Variants in SGCD observed in about 807,000 individuals in gnomAD.
SGCD encodes the protein delta-sarcoglycan.
Under a neutral mutation model 36.6 loss-of-function variants are expected in SGCD, and 18 were observed. The observed-to-expected ratio is 0.49, with a 90% CI of 0.34 to 0.73. The LOEUF is 0.73. Ranked by LOEUF, SGCD falls within the 30% of genes least tolerant of loss-of-function variation. SGCD has a pLI of 0.01. For synonymous variants in SGCD, 133 were observed against 130.6 expected (o/e 1.02, Z -0.12); for missense variants, 387 against 346.7 (o/e 1.12, Z -0.92).
intron 1 of SGCD, among the ~76,000 whole-genome samples, chr5:156,096,438 A>G (rs1442269057): frequency 6.6e-6 from 1 of 152,226 alleles, no homozygotes; most frequent in Non-Finnish European, 1.5e-5. Flanking sequence ...CAAGGACTTA[A>G]GAATGGGAGC....
intron 2 of SGCD, among the ~76,000 whole-genome samples, chr5:156,343,673 A>G (rs1469578359): frequency 6.6e-6 from 1 of 152,194 alleles, no homozygotes; most frequent in Admixed American, 6.5e-5. Flanking sequence ...TCTAAAGGGC[A>G]TCAACGTATT....
intron 7 of SGCD, among the ~76,000 whole-genome samples, chr5:156,672,907 A>G (rs149411869): frequency 9.2e-5 from 14 of 152,138 alleles, no homozygotes; most frequent in African/African-American, 3.4e-4. Context: ...ATTTTTCTAG[A>G]TAATTCTATT....
intron 4 of SGCD, among the ~76,000 whole-genome samples, chr5:156,558,124 T>TATATATATATATATATATATA (rs56288003): frequency 6.5e-5 from 8 of 123,598 alleles, no homozygotes; most frequent in Non-Finnish European, 1.0e-4. Flanking sequence ...TATATATATA[T>TATATATATATATATATATATA]TATTTAACTC....
In SGCD at chr5:156,179,796, G is replaced by A. The variant is rs574584258; in HGVS notation, c.-44+55777G>A. On this transcript the variant is annotated intron_variant, in intron 3 of 9. Transcript: ENST00000517913. ...CTGCCACCATGCCCAGCTAATTTTT[G>A]TATTTTTAGTAAAGATGGGGTTTCA... 3.0e-4 allele frequency among the ~76,000 whole-genome samples: 45 copies of A among 151,882 alleles called. 1 individual carries two copies. Among genetic ancestry groups the A allele is most frequent in the African/African-American group, 9.4e-4 (39 of 41,466 alleles).
At chr5:156,254,167 T>G (rs956347550) in intron 3 of SGCD, among the ~76,000 whole-genome samples, 3 of 152,218 alleles carry the variant, frequency 2.0e-5, no homozygotes, top group Admixed American at 2.0e-4. Context: ...CATGCCTCAT[T>G]CCTGATTTTA....
rs750150347 is a variant in SGCD, at chr5:156,344,681, A to G, written c.192+4A>G. 1.3e-6 allele frequency: 2 copies of G among 1,595,514 alleles called. No homozygotes were observed. The highest frequency in any genetic ancestry group is 1.4e-5 in the African/African-American group (1 of 74,070). On this transcript the variant is annotated splice_donor_region_variant and intron_variant, in intron 3 of 8. Coordinates refer to ENST00000337851, the MANE Select transcript of SGCD (RefSeq NM_000337.6). ...CAAAGTCATGAACTTCACAATTGTA[A>G]GTAAAACCATCTAGGTTTGTTTAGC...
At chr5:156,482,824 T>G (rs1409672815) in intron 3 of SGCD, among the ~76,000 whole-genome samples, 1 of 144,668 alleles carries the variant, frequency 6.9e-6, no homozygotes, top group African/African-American at 2.5e-5. Flanking sequence ...TTTTTTTTTT[T>G]TTTTTTTTTT....
In SGCD at chr5:156,051,966, G is replaced by C. The variant is rs368716414; in HGVS notation, c.-281-65912G>C. ...TGTGTCAGGCCTTTTCCTTAGTTCA[G>C]CTAAAGACAGGGTTCTTGTCCATCC... On this transcript the variant is annotated intron_variant, in intron 1 of 9. Coordinates refer to the SGCD transcript ENST00000517913. Among the ~76,000 whole-genome samples, 18 of 146,168 alleles carry C rather than the reference G, an allele frequency of 1.2e-4. 1 individual carries two copies. The South Asian group carries it at 3.7e-3, about 30-fold the overall frequency.
intron 4 of SGCD, among the ~76,000 whole-genome samples, chr5:156,516,899 G>A (rs1350789576): frequency 6.6e-6 from 1 of 152,188 alleles, no homozygotes; most frequent in Admixed American, 6.5e-5. Context: ...CAGGGAGGCT[G>A]AGGCAGGACA....
At chr5:156,555,094 C>T (rs564163990) in intron 4 of SGCD, among the ~76,000 whole-genome samples, 25 of 151,854 alleles carry the variant, frequency 1.6e-4, no homozygotes, top group African/African-American at 6.0e-4. Context: ...TTTTATTGTT[C>T]AGTTGTGATA....
intron 1 of SGCD, among the ~76,000 whole-genome samples, chr5:156,086,888 A>T (rs1761109315): frequency 6.6e-6 from 1 of 152,200 alleles, no homozygotes; most frequent in Non-Finnish European, 1.5e-5. Flanking sequence ...CTTCCTATGG[A>T]TAGTGGATAT....
intron 2 of SGCD, among the ~76,000 whole-genome samples, chr5:156,333,336 A>G (rs1768159536): frequency 6.6e-6 from 1 of 152,216 alleles, no homozygotes; most frequent in Non-Finnish European, 1.5e-5. Flanking sequence ...CTGGGACAAA[A>G]TGCCTATACT....
chr5:155,928,807 C>A (rs1757044983), intron 1 of SGCD, among the ~76,000 whole-genome samples: 1 of 151,472 alleles, frequency 6.6e-6, no homozygotes, highest in Non-Finnish European at 1.5e-5. Flanking sequence ...TTTCCAGTAA[C>A]ATTAAGGACA....
At chr5:155,747,008 C>G in the SGCD span, among the ~76,000 whole-genome samples, 1 of 152,090 alleles carries the variant, frequency 6.6e-6, no homozygotes, top group Non-Finnish European at 1.5e-5. Context: ...TGGGTGGTCT[C>G]TGGGGTGTGA....
At chr5:156,021,240 T>TA (rs1308098445) in intron 1 of SGCD, among the ~76,000 whole-genome samples, 1 of 152,258 alleles carries the variant, frequency 6.6e-6, no homozygotes, top group Admixed American at 6.5e-5. Context: ...CATAATTTTT[T>TA]AAAAAAGTTT....
intron 3 of SGCD, among the ~76,000 whole-genome samples, chr5:156,435,053 A>G (rs1037416623): frequency 6.6e-6 from 1 of 152,230 alleles, no homozygotes; most frequent in Non-Finnish European, 1.5e-5. Context: ...TCATCTGCAG[A>G]GCAATGTAGA....
chr5:155,845,603 C>T, the SGCD span: 2 of 152,194 alleles, frequency 1.3e-5, no homozygotes, highest in Non-Finnish European at 2.9e-5. Context: ...AACTCTCTTT[C>T]TCCAAAAATG....
At chr5:155,802,846 A>G in the SGCD span, among the ~76,000 whole-genome samples, 21 of 152,302 alleles carry the variant, frequency 1.4e-4, no homozygotes, top group South Asian at 3.7e-3. Context: ...TTTGAAGTTC[A>G]GCTTCCATTT....
At chr5:156,355,723 G>A (rs538425176) in intron 3 of SGCD, among the ~76,000 whole-genome samples, 13 of 152,290 alleles carry the variant, frequency 8.5e-5, no homozygotes, top group Admixed American at 4.6e-4. Context: ...TCCAAAGTCC[G>A]CCTCCCAGGT....
Sources: allele counts gnomAD v4.1 joint callset (sites outside exome capture counted in the v4.1 genomes callset), GRCh38; gene constraint gnomAD v4.1.1; transcripts MANE v1.5; gene names NCBI Gene and HGNC (gene_info 2026-07-23, HGNC 2026-07-21).